The following RALGPS1 variants were observed in gnomAD, a reference collection of about 807,000 sequenced individuals.
RALGPS1 encodes Ral GEF with PH domain and SH3 binding motif 1.
A neutral mutation model predicts 78.8 loss-of-function variants in RALGPS1; 19 were observed. The ratio of observed to expected loss-of-function variants is 0.24; its 90% CI spans 0.17 to 0.35. RALGPS1 has a LOEUF of 0.35. Ranked by LOEUF, RALGPS1 falls within the 10% of genes least tolerant of loss-of-function variation. The pLI, the probability that RALGPS1 is intolerant of heterozygous loss-of-function variation, is 1.00. For synonymous variants in RALGPS1, 228 were observed against 256.3 expected (o/e 0.89, Z 1.06); for missense variants, 454 against 688.3 (o/e 0.66, Z 3.81).
intron 14 of RALGPS1, among the ~76,000 whole-genome samples, chr9:127,208,367 G>A (rs2062046862): frequency 1.3e-5 from 2 of 152,216 alleles, no homozygotes; most frequent in Admixed American, 1.3e-4. Flanking sequence ...CAGTCCCAAT[G>A]ACAGACCCCA....
intron 11 of RALGPS1, among the ~76,000 whole-genome samples, chr9:127,187,343 C>G (rs1170676506): frequency 2.0e-5 from 3 of 152,138 alleles, no homozygotes; most frequent in African/African-American, 7.2e-5. Context: ...ATGTTCTGAC[C>G]AGCGCCTGAC....
At chr9:127,198,851 G>C (rs1295968826) in intron 13 of RALGPS1, among the ~76,000 whole-genome samples, 164 bp from the exon 14 acceptor site, 1 of 152,242 alleles carries the variant, frequency 6.6e-6, no homozygotes, top group African/African-American at 2.4e-5. Flanking sequence ...CCAGAGCAGA[G>C]TTAGAACTCA....
chr9:127,207,962 C>T lies in RALGPS1; in HGVS notation c.1248-4169C>T, dbSNP rs888141303. Among the ~76,000 whole-genome samples the T allele has an allele frequency of 1.4e-4, 21 of 152,358 alleles. No individual in the cohort carries two copies. The South Asian group carries it at 1.7e-3, about 12-fold the overall frequency. On this transcript the variant is annotated intron_variant, in intron 14 of 18. Transcript: ENST00000259351. Reference sequence around the variant, plus strand: ...AGCCTCCCTTTGTGAACACTTGAGTCTCTATCTCTAATGACAGGCCAGCAG... The same window carrying T: ...AGCCTCCCTTTGTGAACACTTGAGTTTCTATCTCTAATGACAGGCCAGCAG...
chr9:127,153,582 C>T (rs541240928), intron 8 of RALGPS1, among the ~76,000 whole-genome samples: 2 of 152,090 alleles, frequency 1.3e-5, no homozygotes, highest in Non-Finnish European at 2.9e-5. Context: ...GTCATGATGG[C>T]GGCGCACATC....
At chr9:126,977,924 T>C in intron 4 of RALGPS1, 179 bp downstream of exon 4, 2 of 491,542 alleles carry the variant, frequency 4.1e-6, no homozygotes, top group Non-Finnish European at 7.2e-6. Context: ...ATTTGGATTT[T>C]CCAGAGAATG....
chr9:127,057,464 G>T (rs1291535069), intron 7 of RALGPS1, among the ~76,000 whole-genome samples: 3 of 152,222 alleles, frequency 2.0e-5, no homozygotes, highest in Admixed American at 1.3e-4. Flanking sequence ...TCCATGGGTG[G>T]CTGCTAAGTG....
chr9:127,175,501 A>C (rs2059808983), intron 11 of RALGPS1, among the ~76,000 whole-genome samples: 1 of 151,688 alleles, frequency 6.6e-6, no homozygotes. Context: ...TCATATTCCA[A>C]CTGACTCTCA....
At chr9:127,006,195 C>A (rs1185586568) in intron 4 of RALGPS1, among the ~76,000 whole-genome samples, 1 of 152,208 alleles carries the variant, frequency 6.6e-6, no homozygotes, top group Non-Finnish European at 1.5e-5. Context: ...TCTGCTTTTG[C>A]AGGTAACTTC....
In RALGPS1 at chr9:127,202,845, G is replaced by A. The variant is rs981166052; in HGVS notation, c.1247+3779G>A. On this transcript the variant is annotated intron_variant, in intron 14 of 18. Transcript: ENST00000259351. ...ACCTCATGCCGGGGAGAGTAGGGGC[G>A]AGGAGAGAAGGGGGGCCCCCAGCAC... Among the ~76,000 whole-genome samples, 48 of 152,116 alleles carry A rather than the reference G, an allele frequency of 3.2e-4. 1 individual carries two copies. Among genetic ancestry groups the A allele is most frequent in the Admixed American group, 1.3e-4 (2 of 15,280 alleles).
intron 4 of RALGPS1, among the ~76,000 whole-genome samples, chr9:127,008,149 A>T (rs2044020307): frequency 6.6e-6 from 1 of 151,934 alleles, no homozygotes; most frequent in South Asian, 2.1e-4. Context: ...TCAAAAAAAA[A>T]AAAAAATGAT....
At chr9:127,071,718 A>G (rs918525888) in intron 8 of RALGPS1, among the ~76,000 whole-genome samples, 3 of 152,058 alleles carry the variant, frequency 2.0e-5, no homozygotes, top group Admixed American at 2.0e-4. Context: ...AATACTCCCT[A>G]TAGTTTTAAT....
chr9:127,186,517 G>A (rs1196483025), intron 11 of RALGPS1, among the ~76,000 whole-genome samples: 2 of 152,246 alleles, frequency 1.3e-5, no homozygotes, highest in African/African-American at 4.8e-5. Flanking sequence ...CGTGTCCCTG[G>A]TGCTGTCACG....
At chr9:127,194,953 A>G (rs1588489370) in intron 11 of RALGPS1, 138 bp from the exon 12 acceptor site, 6 of 985,248 alleles carry the variant, frequency 6.1e-6, no homozygotes, top group Non-Finnish European at 9.4e-6. Flanking sequence ...GCTCATATGA[A>G]CCTTGCCCCA....
chr9:126,992,224 A>G (rs184554044), intron 4 of RALGPS1, among the ~76,000 whole-genome samples: 13 of 152,336 alleles, frequency 8.5e-5, no homozygotes, highest in Admixed American at 7.2e-4. Flanking sequence ...CCTCAAAAGA[A>G]TTGGACATGA....
At chr9:127,188,703 T>G (rs1164165844) in intron 11 of RALGPS1, among the ~76,000 whole-genome samples, 2 of 151,828 alleles carry the variant, frequency 1.3e-5, no homozygotes, top group Non-Finnish European at 2.9e-5. Context: ...CAGTGGCTCA[T>G]GCCTGCAATT....
In RALGPS1 at chr9:127,183,754, C is replaced by T. The variant is rs558930687; in HGVS notation, c.910+8972C>T. On this transcript the variant is annotated intron_variant, in intron 11 of 18. Transcript: ENST00000259351. This position sits in a 1 kb window ranked among gnomAD's most constrained non-coding sequence, Gnocchi z 4.0. ...CTCTCTGGAAACATACTCTCTCTGC[C>T]CGTTTATATTTTCGGAATGGATGGG... The T allele has an allele frequency of 4.6e-6, 4 of 871,412 alleles. No individual in the cohort carries two copies. The highest frequency in any genetic ancestry group is 6.9e-6 in the Non-Finnish European group (4 of 577,124). The allele number at this position is 871,412 out of a possible 1,614,324, so 54.0% of individuals were successfully genotyped here.
chr9:126,947,454 T>A (rs1444793557), intron 1 of RALGPS1, among the ~76,000 whole-genome samples: 1 of 152,242 alleles, frequency 6.6e-6, no homozygotes, highest in Non-Finnish European at 1.5e-5. Context: ...GATGCTCAGC[T>A]GGTAAGATAA....
chr9:127,039,708 A>G (rs2047130830), intron 5 of RALGPS1, among the ~76,000 whole-genome samples: 2 of 152,156 alleles, frequency 1.3e-5, no homozygotes, highest in South Asian at 4.1e-4. Context: ...CAGAAAGGAA[A>G]GGGGCAGATG....
intron 7 of RALGPS1, 30 bp from the exon 8 acceptor site, chr9:127,069,200 T>G: frequency 6.3e-7 from 1 of 1,575,202 alleles, no homozygotes; most frequent in Non-Finnish European, 8.7e-7. Flanking sequence ...TCTGGTTTAC[T>G]TATTTTGCTA....
Sources: allele counts gnomAD v4.1 joint callset (sites outside exome capture counted in the v4.1 genomes callset), GRCh38; gene constraint gnomAD v4.1.1; non-coding constraint Gnocchi (gnomAD v3.1); transcripts MANE v1.5; gene names NCBI Gene and HGNC (gene_info 2026-07-23, HGNC 2026-07-21).